Variants in SLIT2 observed in about 807,000 individuals in gnomAD.
SLIT2 encodes the protein slit guidance ligand 2, also known as slit homolog 2 protein.
A neutral mutation model predicts 185.7 loss-of-function variants in SLIT2; 41 were observed. The ratio of observed to expected loss-of-function variants is 0.22; its 90% confidence interval spans 0.17 to 0.29. The LOEUF is 0.29. Among genes scored for constraint, SLIT2 ranks in the 10% least tolerant of loss-of-function variants. SLIT2 has a pLI of 1.00. For synonymous variants in SLIT2, 693 were observed against 680.2 expected (o/e 1.02, Z -0.29); for missense variants, 1,571 against 1,909.0 (o/e 0.82, Z 3.30).
At chr4:20,268,322 T>C (rs549195044) in intron 3 of SLIT2, among the ~76,000 whole-genome samples, 16 of 151,734 alleles carry the variant, frequency 1.1e-4, no homozygotes, top group Non-Finnish European at 1.5e-4. Flanking sequence ...CAAATCATGC[T>C]GACAATTTCT....
chr4:20,489,399 A>G (rs1401560998), intron 8 of SLIT2, among the ~76,000 whole-genome samples: 1 of 152,236 alleles, frequency 6.6e-6, no homozygotes, highest in East Asian at 1.9e-4. Flanking sequence ...GTAACAAAAT[A>G]CTTTTCATGC....
chr4:20,299,181 A>G (rs1478146396), intron 4 of SLIT2, among the ~76,000 whole-genome samples: 1 of 152,206 alleles, frequency 6.6e-6, no homozygotes, highest in Non-Finnish European at 1.5e-5. Context: ...AGTTGTATTC[A>G]AGCCAAAGAC....
chr4:20,567,180 T>A, intron 26 of SLIT2, 82 bp from the exon 27 acceptor site: 1 of 1,192,992 alleles, frequency 8.4e-7, no homozygotes, highest in Non-Finnish European at 1.2e-6. Context: ...TATATGAAAT[T>A]TACCATTACA....
rs1716658737 is a variant in SLIT2, at chr4:20,481,112, CT to C, written c.539+327del. On this transcript the variant is annotated intron_variant, in intron 6 of 36. Transcript: ENST00000504154. ...GGAAAAATAACATAAAAAAAAACCT[CT>C]TAGTAGCTGATATCTTGGAATAATT... 2.6e-5 allele frequency among the ~76,000 whole-genome samples: 4 copies of C among 151,862 alleles called. No individual in the cohort carries two copies. The South Asian group carries it at 8.3e-4, about 32-fold the overall frequency.
At chr4:20,457,238 T>A (rs567110848) in intron 4 of SLIT2, among the ~76,000 whole-genome samples, 1 of 152,084 alleles carries the variant, frequency 6.6e-6, no homozygotes, top group East Asian at 1.9e-4. Context: ...TTTCAGCTCT[T>A]ATGGGATATG....
intron 29 of SLIT2, among the ~76,000 whole-genome samples, chr4:20,584,597 C>G (rs1180018677): frequency 6.6e-6 from 1 of 152,246 alleles, no homozygotes; most frequent in African/African-American, 2.4e-5. Flanking sequence ...CAGTAAGTAG[C>G]ATTTTATCTC....
intron 4 of SLIT2, among the ~76,000 whole-genome samples, chr4:20,402,136 TG>T (rs1451585298): frequency 6.6e-6 from 1 of 151,628 alleles, no homozygotes; most frequent in Non-Finnish European, 1.5e-5. Flanking sequence ...GACAGGAAGT[TG>T]GTCCTGGAAG....
chr4:20,550,857 G>T lies in SLIT2; in HGVS notation c.2520G>T (p.Val840=). 6.2e-7 allele frequency: 1 copy of T among 1,608,180 alleles called. No individual in the cohort carries two copies. Residue 840 remains valine, a synonymous_variant, in exon 25 of 37, where the codon GTG becomes GTT. Coordinates refer to ENST00000504154, the MANE Select transcript of SLIT2 (RefSeq NM_004787.4). ...TACATGGAAATGACATTTCTGTTGT[G>T]CCTGAAGGTGCTTTCAATGATCTTT... ...LSLHGNDISV[V]PEGAFNDLSA...
At chr4:20,340,117 A>G (rs1720838883) in intron 4 of SLIT2, among the ~76,000 whole-genome samples, 1 of 152,058 alleles carries the variant, frequency 6.6e-6, no homozygotes. Context: ...TTATGTGGGA[A>G]CGTAGTAGGT....
chr4:20,596,520 G>A lies in SLIT2; in HGVS notation c.3426G>A (p.Glu1142=). The change falls in exon 32 of 37, where the codon GAG becomes GAA. Residue 1142 remains glutamate, a synonymous_variant. Coordinates refer to ENST00000504154, the MANE Select transcript of SLIT2 (RefSeq NM_004787.4). ...NGAQCIVRIN[E]PICQCLPGYQ... ...CTCAGTGTATCGTCAGAATAAATGA[G>A]CCAATATGTCAGTGTTTGCCTGGCT... 3.7e-6 allele frequency: 6 copies of A among 1,614,094 alleles called. No homozygotes were observed. The highest frequency in any genetic ancestry group is 3.3e-5 in the South Asian group (3 of 91,084).
At chr4:20,595,923 T>G (rs1727945121) in intron 31 of SLIT2, 89 bp downstream of exon 31, 2 of 1,096,134 alleles carry the variant, frequency 1.8e-6, no homozygotes. Context: ...TCGTACATTT[T>G]AAAATAACTA....
At chr4:20,535,127 G>A (rs1216045227) in intron 18 of SLIT2, among the ~76,000 whole-genome samples, 1 of 151,784 alleles carries the variant, frequency 6.6e-6, no homozygotes, top group African/African-American at 2.4e-5. Flanking sequence ...GATGACATCC[G>A]GTCTCTACTA....
intron 26 of SLIT2, among the ~76,000 whole-genome samples, chr4:20,562,972 A>C (rs1381275114): frequency 2.0e-5 from 3 of 151,742 alleles, no homozygotes; most frequent in African/African-American, 7.3e-5. Context: ...AATAAATCAA[A>C]ATGAGATACA....
intron 9 of SLIT2, 29 bp downstream of exon 9, chr4:20,491,928 C>T (rs2148797828): frequency 6.2e-7 from 1 of 1,603,996 alleles, no homozygotes; most frequent in Non-Finnish European, 8.5e-7. Flanking sequence ...TTCTTATCTC[C>T]CCACCTTCCC....
chr4:20,585,200 G>A (rs1451763964), intron 29 of SLIT2, among the ~76,000 whole-genome samples: 10 of 152,196 alleles, frequency 6.6e-5, no homozygotes, highest in Admixed American at 6.5e-4. Context: ...ACCAGTTACA[G>A]TAGATCATTT....
At chr4:20,377,948 C>A (rs1259866407) in intron 4 of SLIT2, among the ~76,000 whole-genome samples, 2 of 152,080 alleles carry the variant, frequency 1.3e-5, no homozygotes, top group East Asian at 3.9e-4. Flanking sequence ...TCAATAATCA[C>A]CATAATGGTG....
chr4:20,444,137 A>G (rs1729977507), intron 4 of SLIT2, among the ~76,000 whole-genome samples: 1 of 152,118 alleles, frequency 6.6e-6, no homozygotes, highest in Non-Finnish European at 1.5e-5. Flanking sequence ...TCCTTCCTAG[A>G]GGGTTTCCAT....
At chr4:20,482,545 C>A (rs913535581) in intron 6 of SLIT2, among the ~76,000 whole-genome samples, 1 of 151,818 alleles carries the variant, frequency 6.6e-6, no homozygotes, top group African/African-American at 2.4e-5. Context: ...ACATTTTGAT[C>A]GTCATGATTA....
rs151262180 is a variant in SLIT2, at chr4:20,583,077, G to A, written c.3089-6567G>A. On this transcript the variant is annotated intron_variant, in intron 29 of 36. Coordinates refer to ENST00000504154, the MANE Select transcript of SLIT2 (RefSeq NM_004787.4). ...ATTTTCCATTTAATATGTTTTGGCC[G>A]CTGTTAACAGTGGGGAACTGAAACC... Among the ~76,000 whole-genome samples the A allele has an allele frequency of 3.2e-4, 48 of 152,284 alleles. 1 individual carries two copies. Among genetic ancestry groups the A allele is most frequent in the Middle Eastern group, 3.4e-3 (1 of 294 alleles).
Sources: allele counts gnomAD v4.1 joint callset (sites outside exome capture counted in the v4.1 genomes callset), GRCh38; gene constraint gnomAD v4.1.1; transcripts MANE v1.5; gene names NCBI Gene and HGNC (gene_info 2026-07-23, HGNC 2026-07-21).